Variants in UPRT observed in about 807,000 individuals in gnomAD.
UPRT encodes the protein RP11-311P8.3.
Under a neutral mutation model 22.6 loss-of-function variants are expected in UPRT, and 5 were observed. The observed-to-expected ratio is 0.22, with a 90% CI of 0.12 to 0.47. The LOEUF is 0.47. Ranked by LOEUF, UPRT falls within the 20% of genes least tolerant of loss-of-function variation. The pLI, the probability that UPRT is intolerant of heterozygous loss-of-function variation, is 0.99. For missense variants in UPRT, 181 were observed against 239.9 expected (o/e 0.75, Z 1.62); for synonymous variants, 77 against 87.7 (o/e 0.88, Z 0.68).
intron 4 of UPRT, among the ~76,000 whole-genome samples, chrX:75,246,081 A>C (rs2082504964): frequency 9.0e-6 from 1 of 111,507 alleles, no homozygotes; most frequent in South Asian, 3.8e-4. Flanking sequence ...TTATATTTTA[A>C]ATTAATTGTT....
intron 4 of UPRT, among the ~76,000 whole-genome samples, chrX:75,194,530 G>T (rs897596283): frequency 3.6e-5 from 4 of 111,274 alleles, no homozygotes; most frequent in African/African-American, 1.3e-4. Flanking sequence ...CTCCATGAAG[G>T]TGTTTTCAGG....
rs145294064 is a variant in UPRT, at chrX:75,224,200, T to A, written c.-447+56321T>A. On this transcript the variant is annotated intron_variant, in intron 4 of 13. Coordinates refer to the UPRT transcript ENST00000652605. ...GCTTTACTTTAGTTCTGTGAATATA[T>A]TATAATGGCTAATTTGCAAACTTTT... Among the ~76,000 whole-genome samples, 910 of 111,575 alleles carry A rather than the reference T, an allele frequency of 8.2e-3. 12 individuals carry two copies. Among genetic ancestry groups the A allele is most frequent in the African/African-American group, 0.027 (836 of 30,753 alleles).
chrX:75,282,524 T>G (rs766264888), intron 1 of UPRT, among the ~76,000 whole-genome samples: 1 of 111,645 alleles, frequency 9.0e-6, no homozygotes, highest in South Asian at 3.8e-4. Flanking sequence ...TTGATTTTGT[T>G]TTTGACCCAG....
chrX:75,245,511 A>G (rs1419846850), intron 4 of UPRT, among the ~76,000 whole-genome samples: 1 of 111,874 alleles, frequency 8.9e-6, no homozygotes, highest in East Asian at 2.8e-4. Context: ...CTGCAGCACT[A>G]TTCACAATAG....
In UPRT at chrX:75,274,577, C is replaced by T; in HGVS notation, c.323C>T (p.Ala108Val). Residue 108 changes from alanine to valine, a missense_variant, in exon 1 of 7, where the codon GCG (alanine) becomes GTG (valine). Around this residue, in one of 2 missense-constraint regions of UPRT, gnomAD observed 111 missense variants for 102.8 expected, o/e 1.08. Transcript: ENST00000373383. ...EDCELSRQIG[A>V]QLKLLPMNDQ... is the part of the protein sequence containing the mutation. ...TGCGAACTCTCCCGGCAGATCGGGGCGCAGCTTAAGCTGCTGCCTATGAAT... is the reference window on the plus strand; with the variant it reads ...TGCGAACTCTCCCGGCAGATCGGGGTGCAGCTTAAGCTGCTGCCTATGAAT... 2 of 1,209,957 alleles carry T rather than the reference C, an allele frequency of 1.7e-6. No homozygotes were observed. The highest frequency in any genetic ancestry group is 3.0e-5 in the East Asian group (1 of 33,771).
intron 4 of UPRT, among the ~76,000 whole-genome samples, chrX:75,221,164 A>G (rs1339563341): frequency 2.7e-5 from 3 of 110,091 alleles, no homozygotes; most frequent in African/African-American, 9.9e-5. Context: ...TAAGATTTCC[A>G]CTGGAAAACC....
At chrX:75,231,029 A>G (rs1053585126) in intron 4 of UPRT, among the ~76,000 whole-genome samples, 2 of 63,448 alleles carry the variant, frequency 3.2e-5, no homozygotes, top group African/African-American at 1.0e-4. Context: ...TTCTGGTAAT[A>G]TGACAAAACA....
chrX:75,243,536 T>G (rs777662037), intron 4 of UPRT, among the ~76,000 whole-genome samples: 1 of 111,917 alleles, frequency 8.9e-6, no homozygotes, highest in African/African-American at 3.2e-5. Flanking sequence ...TTGTAAATTA[T>G]AAAACACCAA....
At chrX:75,272,372 A>ATATACATATATATG (rs2082614012), upstream of UPRT, among the ~76,000 whole-genome samples, 1 of 89,781 alleles carries the variant, frequency 1.1e-5, no homozygotes. Flanking sequence ...ATATATATAT[A>ATATACATATATATG]TGTATATATA....
chrX:75,237,298 A>T (rs1403401071), intron 4 of UPRT, among the ~76,000 whole-genome samples: 1 of 111,893 alleles, frequency 8.9e-6, no homozygotes, highest in Non-Finnish European at 1.9e-5. Context: ...GTCAGGAAAC[A>T]ACAGGTGTTG....
intron 4 of UPRT, among the ~76,000 whole-genome samples, chrX:75,239,514 C>T (rs1602468447): frequency 9.0e-6 from 1 of 111,388 alleles, no homozygotes; most frequent in East Asian, 2.8e-4. Flanking sequence ...TGAATTCTAG[C>T]AAGCCTTGAA....
chrX:75,214,507 G>C (rs1409043744), intron 4 of UPRT, among the ~76,000 whole-genome samples: 2 of 112,606 alleles, frequency 1.8e-5, no homozygotes, highest in Non-Finnish European at 3.7e-5. Context: ...TGATGAGGTG[G>C]AATCAAAGTT....
At chrX:75,156,899 T>TCA (rs753344635) in intron 1 of UPRT, among the ~76,000 whole-genome samples, 13,200 of 98,850 alleles carry the variant, frequency 0.13, 706 homozygotes, top group South Asian at 0.2. Flanking sequence ...TGGGACAGTC[T>TCA]CACACACACA....
chrX:75,235,343 A>T (rs1302858775), intron 4 of UPRT, among the ~76,000 whole-genome samples: 2 of 111,739 alleles, frequency 1.8e-5, no homozygotes, highest in African/African-American at 6.5e-5. Context: ...TTCACAGCCG[A>T]ATTCTACCAG....
intron 4 of UPRT, among the ~76,000 whole-genome samples, chrX:75,222,369 G>C (rs1435424526): frequency 9.0e-6 from 1 of 111,311 alleles, no homozygotes; most frequent in Non-Finnish European, 1.9e-5. Context: ...AAGGCTCTAG[G>C]GCTCTCCAAT....
chrX:75,188,546 T>C (rs2082303296), intron 4 of UPRT, among the ~76,000 whole-genome samples: 1 of 112,900 alleles, frequency 8.9e-6, no homozygotes, highest in African/African-American at 3.2e-5. Flanking sequence ...TGTGGTGGGC[T>C]CCACCCAGTT....
At chrX:75,257,889 G>A (rs1040139872) in intron 4 of UPRT, among the ~76,000 whole-genome samples, 2 of 111,278 alleles carry the variant, frequency 1.8e-5, no homozygotes, top group African/African-American at 6.5e-5. Context: ...TGAGGTACCC[G>A]GTCCCTCTCA....
chrX:75,190,999 G>C (rs1173305454), intron 4 of UPRT, among the ~76,000 whole-genome samples: 1 of 111,959 alleles, frequency 8.9e-6, no homozygotes, highest in African/African-American at 3.3e-5. Context: ...TCTCCATCCA[G>C]CTTTGCTCTG....
chrX:75,248,485 G>T (rs764680552), intron 4 of UPRT, among the ~76,000 whole-genome samples: 1 of 111,935 alleles, frequency 8.9e-6, no homozygotes, highest in African/African-American at 3.2e-5. Context: ...TGAATGAAAT[G>T]AAGTGTGAAG....
Sources: allele counts gnomAD v4.1 joint callset (sites outside exome capture counted in the v4.1 genomes callset), GRCh38; gene constraint gnomAD v4.1.1; regional missense constraint gnomAD v4.1.1; transcripts MANE v1.5; gene names NCBI Gene and HGNC (gene_info 2026-07-23, HGNC 2026-07-21).